Variants in CGNL1 observed in about 807,000 individuals in gnomAD.
CGNL1 encodes cingulin-like protein 1.
In CGNL1, 132 loss-of-function variants were observed where a neutral mutation model predicts 141.2. The ratio of observed to expected loss-of-function variants is 0.93; its 90% CI spans 0.81 to 1.08. The LOEUF (loss-of-function observed/expected upper bound fraction) is 1.08, where lower values mean the gene tolerates loss of function less well. Ranked by LOEUF, CGNL1 falls within the 50% of genes least tolerant of loss-of-function variation. CGNL1 has a pLI of 0.00. For missense variants in CGNL1, 1,870 were observed against 1,588.6 expected (o/e 1.18, Z -3.01); for synonymous variants, 690 against 622.1 (o/e 1.11, Z -1.63).
intron 4 of CGNL1, among the ~76,000 whole-genome samples, chr15:57,447,276 T>G (rs2063265736): frequency 6.6e-6 from 1 of 152,234 alleles, no homozygotes; most frequent in Admixed American, 6.5e-5. Context: ...CTTTCTGTAC[T>G]TCTGTGTTTC....
intron 1 of CGNL1, among the ~76,000 whole-genome samples, chr15:57,414,218 C>T (rs1185480610): frequency 6.6e-6 from 1 of 152,076 alleles, no homozygotes; most frequent in East Asian, 1.9e-4. Flanking sequence ...GCTGGTGGCC[C>T]CTTCATCCTT....
chr15:57,498,435 G>C (rs1177742813), intron 8 of CGNL1, among the ~76,000 whole-genome samples: 3 of 151,878 alleles, frequency 2.0e-5, no homozygotes, highest in African/African-American at 7.3e-5. Context: ...AAACCCCTGG[G>C]CTTAAGTGAT....
intron 1 of CGNL1, among the ~76,000 whole-genome samples, chr15:57,379,246 C>T (rs867575843): frequency 4.6e-5 from 7 of 152,122 alleles, no homozygotes; most frequent in Admixed American, 6.6e-5. Context: ...ACACTCTACC[C>T]CCCCAAAAAG....
intron 1 of CGNL1, among the ~76,000 whole-genome samples, chr15:57,413,169 C>CTTT (rs1448633949): frequency 4.6e-5 from 7 of 150,890 alleles, no homozygotes; most frequent in Admixed American, 1.3e-4. Flanking sequence ...TCTTCTCCTT[C>CTTT]TTTCTTTCTT....
chr15:57,540,276 T>G (rs1246010770), intron 14 of CGNL1, among the ~76,000 whole-genome samples: 2 of 152,180 alleles, frequency 1.3e-5, no homozygotes, highest in African/African-American at 2.4e-5. Context: ...TTATAAATGT[T>G]TAGTTGACTC....
At chr15:57,383,155 G>T (rs560266112) in intron 1 of CGNL1, among the ~76,000 whole-genome samples, 1 of 152,148 alleles carries the variant, frequency 6.6e-6, no homozygotes, top group Admixed American at 6.5e-5. Context: ...TGTTCACTTA[G>T]AGTGGTGATT....
In CGNL1 at chr15:57,453,689, C is replaced by T; in HGVS notation, c.2061C>T (p.Phe687=). The change falls in exon 7 of 19, where the codon TTC becomes TTT. Residue 687 remains phenylalanine (F), a synonymous_variant. Transcript: ENST00000281282. ...GGGCTTCCTTCCCTGCCAGGCTATT[C>T]CAGGTGAAGATGGAACGGGAGCAGC... ...GELRKNLEEL[F]QVKMEREQHQ... 1 of 1,613,728 alleles carries T rather than the reference C, an allele frequency of 6.2e-7. No homozygotes were observed. The highest frequency in any genetic ancestry group is 1.1e-5 in the South Asian group (1 of 90,960).
chr15:57,516,750 C>A, intron 8 of CGNL1, 30 bp from the exon 9 acceptor site: 1 of 1,608,346 alleles, frequency 6.2e-7, no homozygotes, highest in Non-Finnish European at 8.5e-7. Flanking sequence ...ACATCAGTCT[C>A]CTTGTTCATT....
At chr15:57,402,939 A>G (rs553110028) in intron 1 of CGNL1, among the ~76,000 whole-genome samples, 53 of 152,268 alleles carry the variant, frequency 3.5e-4, no homozygotes, top group Admixed American at 9.8e-4. Flanking sequence ...AAGACATTGG[A>G]GATTCTAACT....
At position 57,449,955 on chromosome 15, in the gene CGNL1, C is replaced by T. The variant is rs142642644; in HGVS notation, c.1804-1545C>T. On this transcript the variant is annotated intron_variant, in intron 4 of 18. Coordinates refer to ENST00000281282, the MANE Select transcript of CGNL1 (RefSeq NM_032866.5). ...TGATATACCACAATTTATACATTCA[C>T]CTTTTAAGGGCATCTTGATTGCTTC... Among the ~76,000 whole-genome samples the T allele has an allele frequency of 3.3e-3, 500 of 152,206 alleles. 3 individuals are homozygous for T. The highest frequency in any genetic ancestry group is 6.8e-3 in the Middle Eastern group (2 of 294).
intron 8 of CGNL1, among the ~76,000 whole-genome samples, chr15:57,502,786 A>T (rs1328057397): frequency 6.6e-6 from 1 of 152,196 alleles, no homozygotes; most frequent in Non-Finnish European, 1.5e-5. Context: ...GTGACTGTAG[A>T]TAATCAATGG....
intron 4 of CGNL1, among the ~76,000 whole-genome samples, chr15:57,448,977 G>A (rs1400131302): frequency 6.6e-6 from 1 of 152,104 alleles, no homozygotes; most frequent in African/African-American, 2.4e-5. Context: ...GTTGTTCTAG[G>A]CATTATTAGG....
intron 4 of CGNL1, among the ~76,000 whole-genome samples, chr15:57,448,171 A>T (rs1421701801): frequency 6.6e-6 from 1 of 152,118 alleles, no homozygotes; most frequent in Non-Finnish European, 1.5e-5. Flanking sequence ...ATTGCCAGGC[A>T]TGGTGGCTCA....
At chr15:57,493,414 A>T (rs1219560313) in intron 8 of CGNL1, among the ~76,000 whole-genome samples, 1 of 152,162 alleles carries the variant, frequency 6.6e-6, no homozygotes, top group East Asian at 1.9e-4. Flanking sequence ...TTTTCATGAC[A>T]TAAAGACACA....
chr15:57,411,091 G>A (rs1169128574), intron 1 of CGNL1, among the ~76,000 whole-genome samples: 1 of 152,098 alleles, frequency 6.6e-6, no homozygotes, highest in East Asian at 1.9e-4. Flanking sequence ...TGGTGATATT[G>A]GCCATGTTTT....
chr15:57,545,847 G>A, intron 17 of CGNL1, 147 bp downstream of exon 17: 3 of 773,290 alleles, frequency 3.9e-6, no homozygotes, highest in Non-Finnish European at 6.2e-6. Flanking sequence ...ATCATCAAAT[G>A]GGGGCTTCTT....
At chr15:57,432,656 A>T (rs1404911775) in intron 1 of CGNL1, among the ~76,000 whole-genome samples, 1 of 152,206 alleles carries the variant, frequency 6.6e-6, no homozygotes, top group Non-Finnish European at 1.5e-5. Context: ...TTAGGATTGT[A>T]AACGTGGCCC....
chr15:57,504,732 GA>G lies in CGNL1; in HGVS notation c.2404-12047del, dbSNP rs1290668904. On this transcript the variant is annotated intron_variant, in intron 8 of 18. Coordinates refer to ENST00000281282, the MANE Select transcript of CGNL1 (RefSeq NM_032866.5). ...AATGGGCTCTTGGAGCTTGTACCTG[GA>G]CATGTCACCTGCCACTTCTTGCATT... is the stretch of plus-strand genomic sequence containing the variant. Among the ~76,000 whole-genome samples the G allele has an allele frequency of 2.0e-5, 3 of 152,266 alleles. No homozygotes were observed. In the East Asian group the frequency reaches 5.8e-4, roughly 29 times the overall value.
intron 1 of CGNL1, among the ~76,000 whole-genome samples, chr15:57,434,373 A>T (rs545625477): frequency 9.2e-5 from 14 of 152,296 alleles, no homozygotes; most frequent in Non-Finnish European, 1.8e-4. Context: ...TTAAAATGTG[A>T]TCTAAAAAAT....
Sources: gnomAD v4.1 joint callset for allele counts (sites outside exome capture counted in the v4.1 genomes callset) on GRCh38, gnomAD v4.1.1 for gene constraint, MANE v1.5 for transcripts, NCBI Gene and HGNC (gene_info 2026-07-23, HGNC 2026-07-21) for gene names.